FAF1: variants seen among roughly 807,000 people sequenced by gnomAD.
FAF1 encodes the protein Fas associated factor 1.
Under a neutral mutation model 92.5 loss-of-function variants are expected in FAF1, and 25 were observed. That is an observed-to-expected ratio of 0.27 (90% CI 0.20 to 0.38). FAF1 has a LOEUF of 0.38. Among genes scored for constraint, FAF1 ranks in the 10% least tolerant of loss-of-function variants. The pLI is 1.00. For synonymous variants in FAF1, 234 were observed against 273.2 expected (o/e 0.86, Z 1.42); for missense variants, 636 against 793.3 (o/e 0.80, Z 2.38).
intron 6 of FAF1, among the ~76,000 whole-genome samples, chr1:50,738,524 T>C (rs1323273948): frequency 6.6e-6 from 1 of 152,042 alleles, no homozygotes; most frequent in African/African-American, 2.4e-5. Context: ...CTCAAAGGTA[T>C]GCTTTCTTTA....
At chr1:50,904,641 A>G (rs773780817) in intron 1 of FAF1, among the ~76,000 whole-genome samples, 3 of 152,150 alleles carry the variant, frequency 2.0e-5, no homozygotes, top group Non-Finnish European at 2.9e-5. Context: ...AAGTTTGCAA[A>G]TATTTCCCTA....
intron 8 of FAF1, among the ~76,000 whole-genome samples, chr1:50,617,716 A>G (rs1442163708): frequency 6.9e-6 from 1 of 144,054 alleles, no homozygotes; most frequent in East Asian, 2.0e-4. Flanking sequence ...TTTTTTTAAT[A>G]ATTTCAGTAG....
Position 50,441,505 on chromosome 1 carries a change from T to A in FAF1, c.1888A>T (p.Asn630Tyr), listed in dbSNP as rs1300671867. 1 of 1,543,284 alleles carries A rather than the reference T, an allele frequency of 6.5e-7. No homozygotes were observed. Among genetic ancestry groups the A allele is most frequent in the African/African-American group, 1.4e-5 (1 of 72,840 alleles). Residue 630 changes from asparagine (N) to tyrosine (Y), a missense_variant, in exon 19 of 19, where the codon AAT (asparagine) becomes TAT (tyrosine). Asn to Tyr is a moderately radical substitution (Grantham distance 143). Around this residue, in one of 2 missense-constraint regions of FAF1, gnomAD observed 319 missense variants for 451.0 expected, o/e 0.71. Coordinates refer to ENST00000396153, the MANE Select transcript of FAF1 (RefSeq NM_007051.3). ...AACTTTACCTCCAATAATGATTTAT[T>A]TGGGTCCAGTTGAGTTACCTAAAAA... ...PRRDVTQLDP[N>Y]KSLLEVKLFP...
chr1:50,668,416 T>G (rs1655724846), intron 7 of FAF1, among the ~76,000 whole-genome samples: 1 of 152,188 alleles, frequency 6.6e-6, no homozygotes, highest in African/African-American at 2.4e-5. Context: ...ACTTGCTACT[T>G]TGCAAGATCA....
intron 4 of FAF1, among the ~76,000 whole-genome samples, chr1:50,747,947 C>G (rs1295574687): frequency 6.6e-6 from 1 of 152,160 alleles, no homozygotes; most frequent in Non-Finnish European, 1.5e-5. Flanking sequence ...AGTAAAGGCT[C>G]CCTGAAGCCT....
In FAF1 at chr1:50,705,832, T is replaced by C. The variant is rs1657652700; in HGVS notation, c.611A>G (p.Gln204Arg). Residue 204 changes from glutamine to arginine, a missense_variant, in exon 7 of 19, where the codon CAG (glutamine) becomes CGG (arginine). Physicochemically the swap from Gln to Arg is conservative, Grantham distance 43. This residue lies in a region of FAF1 where 317 missense variants were observed against 342.4 expected (regional missense o/e 0.93). Transcript: ENST00000396153. ...TGAGAAGTTCAGGTTGTACTCCCGC[T>C]GGACTTCTCGGTGGGTGATGATCAG... ...FMLIITHREV[Q>R]REYNLNFSGS... The C allele has an allele frequency of 1.2e-6, 2 of 1,613,034 alleles. No individual in the cohort carries two copies. Among genetic ancestry groups the C allele is most frequent in the Non-Finnish European group, 1.7e-6 (2 of 1,179,274 alleles).
rs36053491 is a variant in FAF1 at position 50,836,170 on chromosome 1, G to GTTTTTTTTTTTTTTTTTTTTTT, written c.114+21758_114+21759insAAAAAAAAAAAAAAAAAAAAAA. On this transcript the variant is annotated intron_variant, in intron 2 of 18. Coordinates refer to ENST00000396153, the MANE Select transcript of FAF1 (RefSeq NM_007051.3). ...GTGTGTGTTTTTGTTTTTTGTTTCT[G>GTTTTTTTTTTTTTTTTTTTTTT]TTTTTTTTTTTTTTTTTTTAGACAG... Among the ~76,000 whole-genome samples the GTTTTTTTTTTTTTTTTTTTTTT allele has an allele frequency of 1.0e-4, 10 of 98,522 alleles. 1 individual carries two copies. The highest frequency in any genetic ancestry group is 4.3e-4 in the African/African-American group (10 of 23,468). 64.6% of individuals were successfully genotyped at this position (98,522 alleles called of 152,430 possible). A position where few individuals can be genotyped will look rare whatever the true frequency, so the allele number is the denominator to read the frequency against.
intron 7 of FAF1, among the ~76,000 whole-genome samples, chr1:50,677,341 T>C (rs1365028416): frequency 6.6e-6 from 1 of 152,162 alleles, no homozygotes; most frequent in Non-Finnish European, 1.5e-5. Context: ...AATTTGGCAA[T>C]ATTAAAATAA....
chr1:50,770,806 G>T (rs1660749809), intron 4 of FAF1, among the ~76,000 whole-genome samples: 1 of 152,196 alleles, frequency 6.6e-6, no homozygotes, highest in African/African-American at 2.4e-5. Flanking sequence ...ATAATCCTAA[G>T]CAAAAAGAAC....
chr1:50,688,589 G>C (rs1656777654), intron 7 of FAF1, among the ~76,000 whole-genome samples: 2 of 152,186 alleles, frequency 1.3e-5, no homozygotes, highest in South Asian at 4.1e-4. Flanking sequence ...AAGGTGGGTG[G>C]ATCACCTGAG....
In FAF1 at chr1:50,554,828, T is replaced by C. The variant is rs544055858; in HGVS notation, c.1268+12249A>G. Among the ~76,000 whole-genome samples the C allele has an allele frequency of 7.9e-5, 12 of 152,290 alleles. No individual in the cohort carries two copies. The South Asian group carries it at 2.3e-3, about 29-fold the overall frequency. The stretch of plus-strand genomic sequence containing the variant: ...AAATAGGTGAGTCACTCTCTTTTCA[T>C]AGATGAAAAAGAAAGATCTAGAAAT... On this transcript the variant is annotated intron_variant, in intron 13 of 18. Coordinates refer to ENST00000396153, the MANE Select transcript of FAF1 (RefSeq NM_007051.3).
chr1:50,594,549 A>G (rs761984661), intron 9 of FAF1, among the ~76,000 whole-genome samples: 14 of 142,128 alleles, frequency 9.9e-5, no homozygotes, highest in African/African-American at 1.9e-4. Flanking sequence ...CAGAATTTAA[A>G]TATTTCCTTA....
chr1:50,958,228 T>C (rs1407512103), intron 1 of FAF1, among the ~76,000 whole-genome samples: 1 of 152,202 alleles, frequency 6.6e-6, no homozygotes, highest in African/African-American at 2.4e-5. Context: ...CAAAATCTTA[T>C]GGTCAACTTT....
chr1:50,858,029 T>C (rs374035439), intron 1 of FAF1, 32 bp from the exon 2 acceptor site: 5 of 1,510,316 alleles, frequency 3.3e-6, no homozygotes, highest in East Asian at 2.3e-5. Context: ...ATTTTACATA[T>C]AATTTTAGAA....
chr1:50,621,845 A>G (rs1653227175), intron 8 of FAF1, among the ~76,000 whole-genome samples: 1 of 151,380 alleles, frequency 6.6e-6, no homozygotes, highest in African/African-American at 2.4e-5. Flanking sequence ...TGCCGACCAC[A>G]CTCCTGTCTG....
chr1:50,687,964 T>C (rs1238835001), intron 7 of FAF1, among the ~76,000 whole-genome samples: 2 of 151,184 alleles, frequency 1.3e-5, no homozygotes, highest in African/African-American at 2.4e-5. Context: ...TGAAACCCTG[T>C]CTCTACTAAA....
chr1:50,622,773 T>A (rs1014865526), intron 8 of FAF1, among the ~76,000 whole-genome samples: 3 of 152,140 alleles, frequency 2.0e-5, no homozygotes, highest in Non-Finnish European at 4.4e-5. Context: ...TTTACTAAAG[T>A]GGGATATCCC....
intron 4 of FAF1, among the ~76,000 whole-genome samples, chr1:50,764,774 TA>T (rs1557516749): frequency 1.3e-5 from 2 of 152,254 alleles, no homozygotes; most frequent in African/African-American, 4.8e-5. Flanking sequence ...GTTAATTTTC[TA>T]AGGTTCATTA....
intron 1 of FAF1, among the ~76,000 whole-genome samples, chr1:50,931,299 A>G (rs150548731): frequency 1.3e-5 from 2 of 152,082 alleles, no homozygotes; most frequent in African/African-American, 2.4e-5. Flanking sequence ...CATTGTTTAT[A>G]CTTTCTTATT....
Sources: allele counts gnomAD v4.1 joint callset (sites outside exome capture counted in the v4.1 genomes callset), GRCh38; gene constraint gnomAD v4.1.1; regional missense constraint gnomAD v4.1.1; transcripts MANE v1.5; gene names NCBI Gene and HGNC (gene_info 2026-07-23, HGNC 2026-07-21).